The following NUP214 variants were observed in gnomAD, a reference collection of about 807,000 sequenced individuals.
NUP214 encodes the protein nuclear pore complex protein Nup214.
In NUP214, 79 loss-of-function variants were observed where a neutral mutation model predicts 196.2. The ratio of observed to expected loss-of-function variants is 0.40; its 90% CI spans 0.34 to 0.49. The LOEUF is 0.49. NUP214 is among the 20% of genes least tolerant of loss of function. The pLI, the probability that NUP214 is intolerant of heterozygous loss-of-function variation, is 0.58. For missense variants in NUP214, 2,468 were observed against 2,539.0 expected, an observed-to-expected ratio of 0.97 and a Z score of 0.60; for synonymous variants, 1,020 against 990.5, an observed-to-expected ratio of 1.03 and a Z score of -0.56.
rs892022719 is a variant in NUP214 at position 131,207,824 on chromosome 9, G to C, written c.5592+6107G>C. Among the ~76,000 whole-genome samples, 9 of 152,232 alleles carry C rather than the reference G, an allele frequency of 5.9e-5. No individual in the cohort carries two copies. The South Asian group carries it at 1.9e-3, about 31-fold the overall frequency. ...TGAGCACTGTGGCACAGCAGCTGCT[G>C]GGGGCAGATGCCAGGTCTGGGTTTG... On this transcript the variant is annotated intron_variant, in intron 30 of 35. Transcript: ENST00000359428.
chr9:131,197,711 C>T lies in NUP214; in HGVS notation c.4217C>T (p.Ser1406Phe). 1 of 1,614,214 alleles carries T rather than the reference C, an allele frequency of 6.2e-7. No homozygotes were observed. The highest frequency in any genetic ancestry group is 8.5e-7 in the Non-Finnish European group (1 of 1,180,034). ...GCACCACCAGCAGCCACCAGCACTTCCTCAACTGCCGTTTTTGGCAGTCTG... is the reference window on the plus strand; with the variant it reads ...GCACCACCAGCAGCCACCAGCACTTTCTCAACTGCCGTTTTTGGCAGTCTG... Reference protein sequence around the residue: ...SVAPPAATSTSSTAVFGSLPV... With the variant: ...SVAPPAATSTFSTAVFGSLPV... The change falls in exon 29 of 36, where the codon TCC becomes TTC. Residue 1406 changes from serine (S) to phenylalanine (F), a missense_variant. Transcript: ENST00000359428.
intron 30 of NUP214, among the ~76,000 whole-genome samples, chr9:131,210,206 C>A (rs976657831): frequency 1.3e-5 from 2 of 152,264 alleles, no homozygotes; most frequent in East Asian, 1.9e-4. Flanking sequence ...TCAGCAAAAA[C>A]CAACCTATAG....
At chr9:131,174,793 CTGAT>C (rs1348369658) in intron 22 of NUP214, among the ~76,000 whole-genome samples, 5 of 152,266 alleles carry the variant, frequency 3.3e-5, no homozygotes, top group African/African-American at 1.2e-4. Context: ...AATTAGAAGA[CTGAT>C]TGAAAAGATG....
chr9:131,180,557 G>A (rs1241962571), intron 24 of NUP214, among the ~76,000 whole-genome samples: 2 of 152,140 alleles, frequency 1.3e-5, no homozygotes, highest in Admixed American at 6.5e-5. Context: ...ATTCATCATA[G>A]GATGAGCTTA....
intron 22 of NUP214, 99 bp from the exon 23 acceptor site, chr9:131,175,361 C>T: frequency 2.2e-6 from 3 of 1,357,464 alleles, no homozygotes; most frequent in Non-Finnish European, 2.0e-6. Context: ...CTAATTTTAG[C>T]ATTTTCCCTG....
chr9:131,223,723 A>ATTTATTTATTTATTTATTTATTTATTTT (rs1554742606), intron 32 of NUP214, among the ~76,000 whole-genome samples: 1 of 18,968 alleles, frequency 5.3e-5, no homozygotes, highest in Non-Finnish European at 1.2e-4. Context: ...TTATTTATTT[A>ATTTATTTATTTATTTATTTATTTATTTT]TTTATTTTTT....
chr9:131,226,405 T>G, intron 32 of NUP214, among the ~76,000 whole-genome samples: 1 of 152,132 alleles, frequency 6.6e-6, no homozygotes, highest in Non-Finnish European at 1.5e-5. Context: ...GGTGTGTTGT[T>G]TGGGGGCTTT....
chr9:131,163,771 C>A, intron 19 of NUP214, 99 bp from the exon 20 acceptor site: 2 of 806,180 alleles, frequency 2.5e-6, no homozygotes, highest in Non-Finnish European at 2.1e-6. Flanking sequence ...TGGGGATATT[C>A]TCATGTCTTG....
At chr9:131,230,541 T>C (rs2131110657) in intron 33 of NUP214, 89 bp from the exon 34 acceptor site, 1 of 1,497,184 alleles carries the variant, frequency 6.7e-7, no homozygotes, top group East Asian at 2.3e-5. Context: ...GTCGTGTGTA[T>C]TGGGACTTAC....
Position 131,228,254 on chromosome 9 carries a change from C to T in NUP214, c.5997C>T (p.Ala1999=), listed in dbSNP as rs368358660. Residue 1999 remains alanine (A), a synonymous_variant, in exon 33 of 36, where the codon GCC becomes GCT. Transcript: ENST00000359428. ...TGCCAGCATTCGGTTCAGCCCCAGC[C>T]TTTACAAGCCCTCTGGGCTCGACGG... ...GGVPAFGSAP[A]FTSPLGSTGG... The T allele has an allele frequency of 1.9e-6, 3 of 1,605,532 alleles. No individual in the cohort carries two copies. The highest frequency in any genetic ancestry group is 2.3e-5 in the East Asian group (1 of 44,244).
Position 131,189,048 on chromosome 9 carries a change from T to G in NUP214, c.3496-5T>G. The stretch of plus-strand genomic sequence containing the variant: ...CATAAACATTTTGCTTGCATTCTGT[T>G]ATAGGGGTCTCTAATAAATTCCCTT... On this transcript the variant is annotated splice_region_variant and splice_polypyrimidine_tract_variant and intron_variant, in intron 25 of 35. Transcript: ENST00000359428. The G allele has an allele frequency of 1.2e-6, 2 of 1,610,782 alleles. No individual in the cohort carries two copies. Among genetic ancestry groups the G allele is most frequent in the Non-Finnish European group, 1.7e-6 (2 of 1,176,906 alleles).
chr9:131,223,711 T>TTTTA (rs1371826550), intron 32 of NUP214, among the ~76,000 whole-genome samples: 1,414 of 27,004 alleles, frequency 0.052, 132 homozygotes, highest in Middle Eastern at 0.11. Flanking sequence ...TTTTTTTTAT[T>TTTTA]TTTATTTATT....
At chr9:131,229,723 G>A (rs760971542) in intron 33 of NUP214, 8 of 518,900 alleles carry the variant, frequency 1.5e-5, no homozygotes, top group South Asian at 2.8e-5. Flanking sequence ...TGAGGCCCAA[G>A]GCAGGAGGAG....
rs1180660422 is a variant in NUP214, at chr9:131,174,289, G to C, written c.3128G>C (p.Gly1043Ala). The C allele has an allele frequency of 6.2e-7, 1 of 1,613,380 alleles. No homozygotes were observed. The highest frequency in any genetic ancestry group is 8.5e-7 in the Non-Finnish European group (1 of 1,179,884). ...APFAKSHLVH[G>A]SSPGVMGTSV... is the part of the protein sequence containing the mutation. ...TTTGCTAAATCTCACCTGGTTCATG[G>C]TTCTTCACCTGGTGTGATGGGAACT... The change falls in exon 22 of 36, where the codon GGT (glycine) becomes GCT (alanine). Residue 1043 changes from glycine (G) to alanine (A), a missense_variant. Gly to Ala is a moderately conservative substitution (Grantham distance 60). This residue lies in a region of NUP214 where 1,801 missense variants were observed against 1,779.4 expected (regional missense o/e 1.01). Coordinates refer to ENST00000359428, the MANE Select transcript of NUP214 (RefSeq NM_005085.4).
intron 23 of NUP214, chr9:131,175,849 A>G: frequency 1.8e-6 from 1 of 541,082 alleles, no homozygotes; most frequent in Non-Finnish European, 2.9e-6. Flanking sequence ...CATTTAGTTA[A>G]GGTGGAAATC....
rs531701497 is a variant in NUP214, at chr9:131,125,588, G to A, written c.-117G>A. 375 of 1,547,382 alleles carry A rather than the reference G, an allele frequency of 2.4e-4. 1 individual carries two copies. In the African/African-American group the frequency reaches 4.5e-3, roughly 19 times the overall value. On this transcript the variant is annotated 5_prime_UTR_variant, in exon 1 of 36. Transcript: ENST00000359428. The surrounding 1 kb of genome is among the most constrained non-coding windows in gnomAD (Gnocchi z 4.1). ...TCACCAAAGCGCGCCGGAAATGCGA[G>A]GTCAACTGCGCGCCGCTGGCGCTGA...
chr9:131,205,147 ACT>A (rs1037600737), intron 30 of NUP214, among the ~76,000 whole-genome samples: 2 of 152,238 alleles, frequency 1.3e-5, no homozygotes, highest in African/African-American at 4.8e-5. Flanking sequence ...TCTAAGAGAT[ACT>A]GTTTGGAAAG....
At chr9:131,134,129 A>G (rs997012934) in intron 7 of NUP214, among the ~76,000 whole-genome samples, 11 of 152,170 alleles carry the variant, frequency 7.2e-5, no homozygotes, top group Non-Finnish European at 1.5e-4. Flanking sequence ...AATTTTTCGC[A>G]GAGGTAGGGT....
rs1158023989 is a variant in NUP214 at position 131,151,717 on chromosome 9, A to G, written c.2278-19A>G. 5.7e-6 allele frequency: 9 copies of G among 1,590,500 alleles called. No homozygotes were observed. The highest frequency in any genetic ancestry group is 1.2e-5 in the South Asian group (1 of 86,926). The stretch of plus-strand genomic sequence containing the variant: ...ACGTAACAACTTTTTGTACCAACAC[A>G]TTATTGTACTTTTTCTAGTCGCTTC... On this transcript the variant is annotated intron_variant, in intron 16 of 35. Coordinates refer to ENST00000359428, the MANE Select transcript of NUP214 (RefSeq NM_005085.4).
Sources: allele counts gnomAD v4.1 joint callset (sites outside exome capture counted in the v4.1 genomes callset), GRCh38; gene constraint gnomAD v4.1.1; regional missense constraint gnomAD v4.1.1; non-coding constraint Gnocchi (gnomAD v3.1); transcripts MANE v1.5; gene names NCBI Gene and HGNC (gene_info 2026-07-23, HGNC 2026-07-21).